The following CBLB variants were observed in gnomAD, a reference collection of about 807,000 sequenced individuals.
CBLB encodes the protein Cbl proto-oncogene B, also known as E3 ubiquitin-protein ligase CBL-B.
A neutral mutation model predicts 104.9 loss-of-function variants in CBLB; 31 were observed. That is an observed-to-expected ratio of 0.30 (90% CI 0.22 to 0.40). The LOEUF (loss-of-function observed/expected upper bound fraction) is 0.40. CBLB is among the 10% of genes least tolerant of loss of function. The probability of loss-of-function intolerance (pLI) is 1.00; values close to 1 mark genes in which losing one functional copy is unlikely to be tolerated. For synonymous variants in CBLB, 440 were observed against 422.6 expected, an observed-to-expected ratio of 1.04 and a Z score of -0.51; for missense variants, 1,062 against 1,214.6, an observed-to-expected ratio of 0.87 and a Z score of 1.87.
intron 5 of CBLB, among the ~76,000 whole-genome samples, chr3:105,748,354 G>A (rs2076297287): frequency 6.6e-6 from 1 of 152,100 alleles, no homozygotes; most frequent in African/African-American, 2.4e-5. Flanking sequence ...TACTACAACT[G>A]AGGACTTTCC....
intron 4 of CBLB, among the ~76,000 whole-genome samples, chr3:105,772,565 G>C (rs955421230): frequency 1.3e-5 from 2 of 152,074 alleles, no homozygotes; most frequent in South Asian, 2.1e-4. Context: ...AAATAATCAG[G>C]AGAGTAAACA....
chr3:105,677,350 T>TAAA (rs59169680), intron 17 of CBLB, among the ~76,000 whole-genome samples: 18 of 108,768 alleles, frequency 1.7e-4, no homozygotes, highest in African/African-American at 4.2e-4. Flanking sequence ...TCAAACCAAG[T>TAAA]AAAAAAAAAA....
At chr3:105,821,162 C>T (rs563573703) in intron 3 of CBLB, among the ~76,000 whole-genome samples, 2 of 152,244 alleles carry the variant, frequency 1.3e-5, no homozygotes, top group East Asian at 3.9e-4. Context: ...CTGTCCCTTA[C>T]ATCCAAAAAC....
intron 16 of CBLB, among the ~76,000 whole-genome samples, chr3:105,680,576 T>C (rs16851429): frequency 0.018 from 2,677 of 152,190 alleles, 73 homozygotes; most frequent in African/African-American, 0.061. Context: ...CTTTTGTAAT[T>C]GATGTAGGTG....
chr3:105,723,660 T>C (rs2073195255), intron 9 of CBLB, among the ~76,000 whole-genome samples: 1 of 152,104 alleles, frequency 6.6e-6, no homozygotes, highest in Non-Finnish European at 1.5e-5. Flanking sequence ...AAATACTCTA[T>C]GTAAAAACCC....
At chr3:105,826,377 A>G (rs973793393) in intron 3 of CBLB, among the ~76,000 whole-genome samples, 2 of 152,216 alleles carry the variant, frequency 1.3e-5, no homozygotes, top group African/African-American at 4.8e-5. Context: ...ATGCTATCCT[A>G]GAAACACTTT....
At chr3:105,845,384 A>G (rs2090109645) in intron 3 of CBLB, among the ~76,000 whole-genome samples, 1 of 151,486 alleles carries the variant, frequency 6.6e-6, no homozygotes, top group Non-Finnish European at 1.5e-5. Flanking sequence ...GCTTAGAAAA[A>G]AAAAAAAAAA....
intron 9 of CBLB, among the ~76,000 whole-genome samples, chr3:105,728,157 A>G (rs1318141472): frequency 1.3e-5 from 2 of 152,104 alleles, no homozygotes; most frequent in African/African-American, 4.8e-5. Flanking sequence ...CATGATATTG[A>G]TTCTTTCTTT....
At chr3:105,682,428 G>C (rs16851434) in intron 14 of CBLB, among the ~76,000 whole-genome samples, 2,682 of 152,210 alleles carry the variant, frequency 0.018, 73 homozygotes, top group African/African-American at 0.061. Context: ...TTTAGCAAAG[G>C]CCTTGGGTAC....
chr3:105,693,325 G>A (rs1214557167), intron 13 of CBLB, among the ~76,000 whole-genome samples, 169 bp downstream of exon 13: 2 of 152,068 alleles, frequency 1.3e-5, no homozygotes, highest in African/African-American at 4.8e-5. Flanking sequence ...TACCAGCAAA[G>A]TATAGGGAAG....
At chr3:105,660,598 T>C (rs967271891) in intron 18 of CBLB, among the ~76,000 whole-genome samples, 3 of 152,152 alleles carry the variant, frequency 2.0e-5, no homozygotes, top group Non-Finnish European at 4.4e-5. Flanking sequence ...CACTGACAAA[T>C]GCCAAACAAT....
At chr3:105,662,870 G>C (rs945133237) in intron 18 of CBLB, among the ~76,000 whole-genome samples, 1 of 152,158 alleles carries the variant, frequency 6.6e-6, no homozygotes, top group Admixed American at 6.6e-5. Flanking sequence ...GTGGCCGACC[G>C]CCACTGCTAC....
intron 9 of CBLB, among the ~76,000 whole-genome samples, chr3:105,723,782 T>C (rs1206444619): frequency 6.6e-6 from 1 of 152,086 alleles, no homozygotes; most frequent in Non-Finnish European, 1.5e-5. Flanking sequence ...TTCTTTTAAA[T>C]GTTTTTCAAG....
intron 5 of CBLB, among the ~76,000 whole-genome samples, chr3:105,746,570 A>T (rs2152896576): frequency 6.6e-6 from 1 of 152,260 alleles, no homozygotes; most frequent in South Asian, 2.1e-4. Flanking sequence ...CGATGCCTTT[A>T]CTTGAATTTT....
chr3:105,692,566 A>G (rs1231736204), intron 13 of CBLB, among the ~76,000 whole-genome samples: 2 of 152,164 alleles, frequency 1.3e-5, no homozygotes, highest in Non-Finnish European at 2.9e-5. Flanking sequence ...CAGAAAAAAC[A>G]ATCCAGATAT....
chr3:105,761,583 C>T (rs1258293438), intron 4 of CBLB, among the ~76,000 whole-genome samples: 1 of 152,174 alleles, frequency 6.6e-6, no homozygotes, highest in Non-Finnish European at 1.5e-5. Flanking sequence ...GTAAGATGTG[C>T]CTTTTATCTT....
At chr3:105,796,720 G>A (rs1423051691) in intron 3 of CBLB, among the ~76,000 whole-genome samples, 1 of 152,054 alleles carries the variant, frequency 6.6e-6, no homozygotes, top group South Asian at 2.1e-4. Flanking sequence ...AATCCATAAG[G>A]AACTTAAATT....
chr3:105,741,189 A>T (rs1417701724), intron 6 of CBLB, among the ~76,000 whole-genome samples: 1 of 144,232 alleles, frequency 6.9e-6, no homozygotes, highest in Admixed American at 7.1e-5. Flanking sequence ...CATTAAAATT[A>T]GTTTGTTTGT....
At chr3:105,743,459 C>A (rs369602566) in intron 6 of CBLB, among the ~76,000 whole-genome samples, 430 of 131,002 alleles carry the variant, frequency 3.3e-3, no homozygotes, top group Non-Finnish European at 3.6e-3. Context: ...GACTCTGTCT[C>A]AAAAAAAAAA....
Sources: gnomAD v4.1 joint callset for allele counts (sites outside exome capture counted in the v4.1 genomes callset) on GRCh38, gnomAD v4.1.1 for gene constraint, MANE v1.5 for transcripts, NCBI Gene and HGNC (gene_info 2026-07-23, HGNC 2026-07-21) for gene names.